Variants in ADAM22 observed in about 807,000 individuals in gnomAD.
ADAM22 encodes the protein ADAM metallopeptidase domain 22, also known as disintegrin and metalloproteinase domain-containing protein 22.
In ADAM22, 65 loss-of-function variants were observed where a neutral mutation model predicts 144.6. The observed-to-expected ratio is 0.45, with a 90% CI of 0.37 to 0.55. ADAM22 has a LOEUF of 0.55. Among genes scored for constraint, ADAM22 ranks in the 20% least tolerant of loss-of-function variants. The probability of loss-of-function intolerance (pLI) is 0.00; values close to 1 mark genes in which losing one functional copy is unlikely to be tolerated. For synonymous variants in ADAM22, 391 were observed against 412.6 expected, an observed-to-expected ratio of 0.95 and a Z score of 0.63; for missense variants, 974 against 1,184.9, an observed-to-expected ratio of 0.82 and a Z score of 2.61.
rs200711939 is a variant in ADAM22 at position 87,936,867 on chromosome 7, T to TAG, written c.246+1682_246+1683insGA. The stretch of plus-strand genomic sequence containing the variant: ...TGTGTGTATATATATTATATATATA[T>TAG]ATATAGAGAGAGAGAGTATATTTAG... On this transcript the variant is annotated intron_variant, in intron 2 of 31. Transcript: ENST00000413139. 1.2e-3 allele frequency among the ~76,000 whole-genome samples: 184 copies of TAG among 150,346 alleles called. 1 individual carries two copies. Among genetic ancestry groups the TAG allele is most frequent in the African/African-American group, 4.3e-3 (175 of 40,614 alleles).
intron 3 of ADAM22, among the ~76,000 whole-genome samples, chr7:87,982,485 G>A (rs73393860): frequency 0.014 from 2,142 of 151,442 alleles, 50 homozygotes; most frequent in African/African-American, 0.048. Flanking sequence ...CACAGGGATA[G>A]CCAAGTTATT....
At chr7:87,974,318 A>G (rs780531648) in intron 2 of ADAM22, among the ~76,000 whole-genome samples, 4,467 of 146,066 alleles carry the variant, frequency 0.031, 118 homozygotes, top group Non-Finnish European at 0.048. Context: ...AAAAAAAAAA[A>G]GAAAAAAAAT....
chr7:87,949,432 T>C (rs1844483504), intron 2 of ADAM22, among the ~76,000 whole-genome samples: 1 of 152,224 alleles, frequency 6.6e-6, no homozygotes, highest in African/African-American at 2.4e-5. Flanking sequence ...ATCATTCATG[T>C]CACTTTATAG....
intron 20 of ADAM22, among the ~76,000 whole-genome samples, chr7:88,151,627 A>G (rs1442832634): frequency 3.3e-5 from 5 of 152,228 alleles, no homozygotes; most frequent in Non-Finnish European, 7.3e-5. Flanking sequence ...TTTCAGCTCC[A>G]TGTATACTCT....
intron 2 of ADAM22, among the ~76,000 whole-genome samples, chr7:87,941,709 T>A (rs1445953741): frequency 1.3e-5 from 2 of 152,178 alleles, no homozygotes; most frequent in Non-Finnish European, 2.9e-5. Context: ...CTTGTTTTTA[T>A]GCTATGAAAT....
At chr7:88,159,126 C>T (rs1039189465) in intron 22 of ADAM22, among the ~76,000 whole-genome samples, 2 of 152,070 alleles carry the variant, frequency 1.3e-5, no homozygotes, top group Admixed American at 6.6e-5. Flanking sequence ...CTACGAACAC[C>T]TGTGGCACAC....
At position 87,997,358 on chromosome 7, in the gene ADAM22, G is replaced by A. The variant is rs147468640; in HGVS notation, c.323+18946G>A. Among the ~76,000 whole-genome samples the A allele has an allele frequency of 4.6e-5, 7 of 152,316 alleles. No individual in the cohort carries two copies. The East Asian group carries it at 1.4e-3, about 29-fold the overall frequency. ...ACGCATGAATTAGTTTTGTATTGCT[G>A]CTGTTAACTTTAGCTGCTTAAACCA... On this transcript the variant is annotated intron_variant, in intron 3 of 31. Transcript: ENST00000413139.
At chr7:88,082,602 A>G (rs1332189105) in intron 4 of ADAM22, among the ~76,000 whole-genome samples, 1 of 152,248 alleles carries the variant, frequency 6.6e-6, no homozygotes, top group Non-Finnish European at 1.5e-5. Flanking sequence ...ACAAAGGGCT[A>G]ATATCCAGAA....
At chr7:88,078,296 T>C (rs1815292201) in intron 4 of ADAM22, among the ~76,000 whole-genome samples, 1 of 152,196 alleles carries the variant, frequency 6.6e-6, no homozygotes, top group Non-Finnish European at 1.5e-5. Context: ...GGGTCCTGAC[T>C]ATTAGAAGGA....
intron 7 of ADAM22, among the ~76,000 whole-genome samples, chr7:88,118,408 A>G (rs113829270): frequency 4.6e-5 from 7 of 152,276 alleles, no homozygotes; most frequent in African/African-American, 1.7e-4. Context: ...AAATGGGAAT[A>G]TAGATGCTCT....
intron 3 of ADAM22, among the ~76,000 whole-genome samples, chr7:88,020,801 AT>A (rs1331961588): frequency 2.0e-5 from 3 of 152,162 alleles, no homozygotes; most frequent in Non-Finnish European, 1.5e-5. Context: ...AGGAAAGTTT[AT>A]TTTCAGTGAG....
chr7:87,976,396 G>C (rs114568671), intron 2 of ADAM22, among the ~76,000 whole-genome samples: 1 of 152,166 alleles, frequency 6.6e-6, no homozygotes, highest in Non-Finnish European at 1.5e-5. Flanking sequence ...GAGACACCAG[G>C]CATGTGCACT....
chr7:87,962,907 G>A (rs1848299740), intron 2 of ADAM22, among the ~76,000 whole-genome samples: 1 of 152,152 alleles, frequency 6.6e-6, no homozygotes, highest in Non-Finnish European at 1.5e-5. Flanking sequence ...TTGAACATAG[G>A]AAATTTGTCT....
At chr7:87,958,418 T>C (rs552002448) in intron 2 of ADAM22, among the ~76,000 whole-genome samples, 1 of 152,188 alleles carries the variant, frequency 6.6e-6, no homozygotes, top group South Asian at 2.1e-4. Context: ...GGAGTTTCGC[T>C]CTTGTTTCCC....
At chr7:88,024,249 T>A (rs149846996) in intron 3 of ADAM22, among the ~76,000 whole-genome samples, 6,670 of 152,208 alleles carry the variant, frequency 0.044, 260 homozygotes, top group Non-Finnish European at 0.065. Flanking sequence ...TTTTTAGTGT[T>A]TTGAGGAACC....
intron 14 of ADAM22, among the ~76,000 whole-genome samples, chr7:88,141,394 G>A (rs1362864585): frequency 6.6e-6 from 1 of 152,164 alleles, no homozygotes; most frequent in Non-Finnish European, 1.5e-5. Flanking sequence ...TTAAAAATGA[G>A]TTTAGGGTAA....
chr7:88,193,136 C>A lies in ADAM22; in HGVS notation c.2771C>A (p.Ser924Tyr), dbSNP rs1329115391. ...PYFRTLSPAK[S>Y]PSSSTGSIAS... ...CTCAGGACTTTATCTCCTGCCAAGT[C>A]TCCTTCTTCATCAACTGGGTCTATT... Residue 924 changes from serine to tyrosine, a missense_variant, in exon 31 of 32, where the codon TCT (serine) becomes TAT (tyrosine). Transcript: ENST00000413139. 6.2e-7 allele frequency: 1 copy of A among 1,614,062 alleles called. No homozygotes were observed. Among genetic ancestry groups the A allele is most frequent in the Non-Finnish European group, 8.5e-7 (1 of 1,179,954 alleles).
At chr7:88,076,239 T>C (rs944943562) in intron 4 of ADAM22, among the ~76,000 whole-genome samples, 1 of 152,094 alleles carries the variant, frequency 6.6e-6, no homozygotes, top group Non-Finnish European at 1.5e-5. Context: ...GGTTTCACCA[T>C]GTTGGCCAGG....
intron 4 of ADAM22, among the ~76,000 whole-genome samples, chr7:88,101,589 A>T (rs1016144325): frequency 6.6e-6 from 1 of 152,170 alleles, no homozygotes; most frequent in African/African-American, 2.4e-5. Flanking sequence ...ATGATATCCT[A>T]TGACCAGCAC....
Sources: allele counts gnomAD v4.1 joint callset (sites outside exome capture counted in the v4.1 genomes callset), GRCh38; gene constraint gnomAD v4.1.1; transcripts MANE v1.5; gene names NCBI Gene and HGNC (gene_info 2026-07-23, HGNC 2026-07-21).